TTC21B: variants seen among roughly 807,000 people sequenced by gnomAD.
TTC21B encodes the protein tetratricopeptide repeat protein 21B.
In TTC21B, 127 loss-of-function variants were observed where a neutral mutation model predicts 175.1. That is an observed-to-expected ratio of 0.73 (90% CI 0.63 to 0.84). The LOEUF (loss-of-function observed/expected upper bound fraction) is 0.84, where lower values mean the gene tolerates loss of function less well. Among genes scored for constraint, TTC21B ranks in the 40% least tolerant of loss-of-function variants. The pLI is 0.00. For missense variants in TTC21B, 1,561 were observed against 1,558.3 expected, an observed-to-expected ratio of 1.00 and a Z score of -0.03; for synonymous variants, 524 against 524.5, an observed-to-expected ratio of 1.00 and a Z score of 0.01.
intron 22 of TTC21B, among the ~76,000 whole-genome samples, chr2:165,898,310 G>A (rs528826067): frequency 1.2e-3 from 179 of 152,264 alleles, no homozygotes; most frequent in African/African-American, 4.0e-3. Context: ...AAAGAATGGA[G>A]AAGTTCTCTT....
chr2:165,899,919 G>A, intron 20 of TTC21B, 39 bp from the exon 21 acceptor site: 1 of 1,141,108 alleles, frequency 8.8e-7, no homozygotes, highest in African/African-American at 1.7e-5. Context: ...ACACTGTATA[G>A]AATAAAAAGT....
chr2:165,895,469 A>AG (rs367555295), intron 22 of TTC21B, among the ~76,000 whole-genome samples: 1 of 151,724 alleles, frequency 6.6e-6, no homozygotes, highest in East Asian at 1.9e-4. Context: ...AATGACTTAA[A>AG]ATATTCACAG....
At chr2:165,875,102 A>C (rs1459520571) in intron 28 of TTC21B, among the ~76,000 whole-genome samples, 1 of 152,210 alleles carries the variant, frequency 6.6e-6, no homozygotes, top group Non-Finnish European at 1.5e-5. Context: ...GTATAAAACA[A>C]TTATGTATCA....
chr2:165,919,646 T>C (rs989053514), intron 12 of TTC21B, among the ~76,000 whole-genome samples: 2 of 152,164 alleles, frequency 1.3e-5, no homozygotes, highest in African/African-American at 4.8e-5. Flanking sequence ...GGCAAGTTCT[T>C]GATCCTAACG....
chr2:165,877,294 C>T (rs1299490708), intron 27 of TTC21B, among the ~76,000 whole-genome samples: 2 of 152,144 alleles, frequency 1.3e-5, no homozygotes, highest in Non-Finnish European at 2.9e-5. Context: ...AAAAGAATTA[C>T]TGGCTAACAT....
intron 8 of TTC21B, among the ~76,000 whole-genome samples, chr2:165,930,720 C>T (rs1216470447): frequency 3.2e-5 from 2 of 61,798 alleles, no homozygotes; most frequent in Non-Finnish European, 8.5e-5. Flanking sequence ...TTTATGGTTA[C>T]GTGGGTATGG....
At position 165,909,714 on chromosome 2, in the gene TTC21B, C is replaced by T. The variant is rs1685864921; in HGVS notation, c.2461+1613G>A. On this transcript the variant is annotated intron_variant, in intron 18 of 28. Coordinates refer to ENST00000243344, the MANE Select transcript of TTC21B (RefSeq NM_024753.5). ...AGAGGTATATGTATATAAACAAGGA[C>T]TTTATCTCAGTACTGCTTCCAACTA... 3.3e-5 allele frequency among the ~76,000 whole-genome samples: 5 copies of T among 152,124 alleles called. No homozygotes were observed. The South Asian group carries it at 8.3e-4, about 25-fold the overall frequency.
At position 165,943,334 on chromosome 2, in the gene TTC21B, A is replaced by ATATATT. The variant is rs747492391; in HGVS notation, c.436_437insAATATA (p.Val146delinsGluTyrIle). Reference sequence around the variant, plus strand: ...TGTAATATCAAGCCATGCTTTCAAAACGTGTCCCTGTAAAATGAATAATTC... The same window carrying ATATATT: ...TGTAATATCAAGCCATGCTTTCAAAATATATTCGTGTCCCTGTAAAATGAATAATTC... On this transcript the variant is annotated protein_altering_variant, in exon 5 of 29. Coordinates refer to ENST00000243344, the MANE Select transcript of TTC21B (RefSeq NM_024753.5). The ATATATT allele has an allele frequency of 6.2e-7, 1 of 1,606,390 alleles. No individual in the cohort carries two copies. Among genetic ancestry groups the ATATATT allele is most frequent in the Admixed American group, 1.7e-5 (1 of 59,910 alleles).
intron 12 of TTC21B, among the ~76,000 whole-genome samples, chr2:165,923,659 G>A (rs1039813941): frequency 2.6e-5 from 4 of 150,950 alleles, no homozygotes; most frequent in African/African-American, 9.7e-5. Context: ...AGCCAGGATG[G>A]TCTTGATCTC....
intron 22 of TTC21B, among the ~76,000 whole-genome samples, chr2:165,895,418 T>C (rs1268584844): frequency 6.6e-6 from 1 of 151,972 alleles, no homozygotes; most frequent in East Asian, 1.9e-4. Flanking sequence ...AAAACTATAA[T>C]GTGTGAGATT....
At chr2:165,913,882 G>C (rs1390111364) in intron 15 of TTC21B, among the ~76,000 whole-genome samples, 1 of 152,050 alleles carries the variant, frequency 6.6e-6, no homozygotes, top group Non-Finnish European at 1.5e-5. Flanking sequence ...GCAGGTAACT[G>C]AGTTCAGATA....
rs764012287 is a variant in TTC21B at position 165,912,580 on chromosome 2, G to A, written c.2256C>T (p.Asn752=). The A allele has an allele frequency of 1.2e-6, 2 of 1,613,934 alleles. No homozygotes were observed. The highest frequency in any genetic ancestry group is 8.5e-7 in the Non-Finnish European group (1 of 1,180,010). ...IVAYEQALNQ[N]PKDGTLASKM... ...TGCTTGCCAATGTTCCATCTTTCGG[G>A]TTCTGATTTAATGCTTGCTCATATG... is the stretch of plus-strand genomic sequence containing the variant. The change falls in exon 17 of 29, where the codon AAC becomes AAT. Residue 752 remains asparagine (N), a synonymous_variant. Transcript: ENST00000243344.
rs1684926920 is a variant in TTC21B, at chr2:165,884,009, T to C, written c.3469A>G (p.Ile1157Val). Residue 1157 changes from isoleucine (I) to valine (V), a missense_variant, in exon 26 of 29, where the codon ATC becomes GTC. By Grantham distance (29) the Ile-to-Val change is conservative (BLOSUM62 3). Coordinates refer to ENST00000243344, the MANE Select transcript of TTC21B (RefSeq NM_024753.5). Reference protein sequence around the residue: ...TEIAASEKEHIPALLGMATAY... With the variant: ...TEIAASEKEHVPALLGMATAY... ...GTTGCCATTCCCAAGAGCGCTGGGA[T>C]ATGCTCCTTCTATAAGAAAACAAAA... 6.2e-7 allele frequency: 1 copy of C among 1,613,950 alleles called. No homozygotes were observed. Among genetic ancestry groups the C allele is most frequent in the Non-Finnish European group, 8.5e-7 (1 of 1,179,884 alleles).
intron 1 of TTC21B, among the ~76,000 whole-genome samples, chr2:165,953,356 A>T (rs925698591): frequency 1.3e-5 from 2 of 152,206 alleles, no homozygotes; most frequent in African/African-American, 4.8e-5. Flanking sequence ...GTCCTTAAAA[A>T]TCGCACCCGG....
intron 6 of TTC21B, among the ~76,000 whole-genome samples, chr2:165,939,249 T>A (rs1357908631): frequency 1.3e-5 from 2 of 152,218 alleles, no homozygotes; most frequent in Non-Finnish European, 2.9e-5. Context: ...TACCAAGATG[T>A]TCGGCCCTGA....
At chr2:165,950,442 C>G (rs1165769093) in intron 1 of TTC21B, among the ~76,000 whole-genome samples, 1 of 152,160 alleles carries the variant, frequency 6.6e-6, no homozygotes, top group Non-Finnish European at 1.5e-5. Context: ...CTAACCTCAT[C>G]AAAGACAGAA....
intron 4 of TTC21B, among the ~76,000 whole-genome samples, chr2:165,943,622 C>A (rs1396727224): frequency 6.6e-6 from 1 of 152,100 alleles, no homozygotes; most frequent in Non-Finnish European, 1.5e-5. Flanking sequence ...CCATTATTTT[C>A]TCTGAGACTT....
intron 6 of TTC21B, among the ~76,000 whole-genome samples, chr2:165,935,646 A>C (rs981155445): frequency 6.6e-6 from 1 of 152,198 alleles, no homozygotes; most frequent in African/African-American, 2.4e-5. Context: ...ATATAATATC[A>C]ATTGCTTTCC....
At chr2:165,911,983 T>C (rs1012559246) in intron 17 of TTC21B, among the ~76,000 whole-genome samples, 5 of 152,100 alleles carry the variant, frequency 3.3e-5, no homozygotes, top group Non-Finnish European at 7.4e-5. Flanking sequence ...ACATTTCTTA[T>C]GATAAGTAGA....
Sources: gnomAD v4.1 joint callset for allele counts (sites outside exome capture counted in the v4.1 genomes callset) on GRCh38, gnomAD v4.1.1 for gene constraint, MANE v1.5 for transcripts, NCBI Gene and HGNC (gene_info 2026-07-23, HGNC 2026-07-21) for gene names.